The following ADGRL2 variants were observed in gnomAD, a reference collection of about 807,000 sequenced individuals.
ADGRL2 encodes the protein calcium-independent alpha-latrotoxin receptor 2.
A neutral mutation model predicts 157.4 loss-of-function variants in ADGRL2; 44 were observed. The observed-to-expected ratio is 0.28, with a 90% confidence interval of 0.22 to 0.36. ADGRL2 has a LOEUF of 0.36. ADGRL2 is among the 10% of genes least tolerant of loss of function. The pLI is 1.00. For synonymous variants in ADGRL2, 585 were observed against 624.7 expected (o/e 0.94, Z 0.95); for missense variants, 1,510 against 1,768.9 (o/e 0.85, Z 2.63).
chr1:81,635,353 C>T (rs931157961), intron 3 of ADGRL2, among the ~76,000 whole-genome samples: 1 of 152,204 alleles, frequency 6.6e-6, no homozygotes, highest in Non-Finnish European at 1.5e-5. Flanking sequence ...CTCTTCTCAG[C>T]CTCTAGCTTT....
chr1:81,820,045 C>T (rs964050108), intron 1 of ADGRL2, among the ~76,000 whole-genome samples: 5 of 152,080 alleles, frequency 3.3e-5, no homozygotes, highest in African/African-American at 7.2e-5. Context: ...ACAATCATTT[C>T]CTCAATAGCT....
At chr1:81,836,301 T>C (rs968670114) in intron 1 of ADGRL2, among the ~76,000 whole-genome samples, 1 of 152,112 alleles carries the variant, frequency 6.6e-6, no homozygotes, top group African/African-American at 2.4e-5. Flanking sequence ...GATGTTCCTT[T>C]AACAGAAAAG....
chr1:81,696,583 G>A (rs531097501), upstream of ADGRL2, among the ~76,000 whole-genome samples: 3 of 151,814 alleles, frequency 2.0e-5, no homozygotes, highest in African/African-American at 7.2e-5. Flanking sequence ...AAACCCCGTC[G>A]CTACTAAAAA....
chr1:81,700,091 C>T (rs1158434314), intron 1 of ADGRL2, among the ~76,000 whole-genome samples: 1 of 152,142 alleles, frequency 6.6e-6, no homozygotes, highest in Non-Finnish European at 1.5e-5. Flanking sequence ...AGGAAAATGT[C>T]AAAGCAGCTC....
intron 2 of ADGRL2, among the ~76,000 whole-genome samples, chr1:81,770,049 C>T (rs1219626398): frequency 6.7e-6 from 1 of 148,178 alleles, no homozygotes; most frequent in Admixed American, 6.8e-5. Context: ...GGCGGGGTTT[C>T]ACACCATGTT....
At chr1:81,661,744 C>T (rs9324178) in intron 3 of ADGRL2, among the ~76,000 whole-genome samples, 29,634 of 152,116 alleles carry the variant, frequency 0.19, 3,676 homozygotes, top group South Asian at 0.32. Flanking sequence ...AATGATAGCA[C>T]TTCCTTTCAC....
intron 2 of ADGRL2, among the ~76,000 whole-genome samples, chr1:81,518,233 T>C (rs987288092): frequency 6.6e-6 from 1 of 152,206 alleles, no homozygotes; most frequent in Non-Finnish European, 1.5e-5. Flanking sequence ...GATAAGCACC[T>C]CAGAAACAAA....
At chr1:81,320,667 G>T (rs1660441030) in intron 1 of ADGRL2, among the ~76,000 whole-genome samples, 1 of 152,176 alleles carries the variant, frequency 6.6e-6, no homozygotes, top group Non-Finnish European at 1.5e-5. Flanking sequence ...CTTCTTTTCT[G>T]AGCAGTGGGT....
At chr1:81,478,206 A>G (rs76832497) in intron 2 of ADGRL2, among the ~76,000 whole-genome samples, 6 of 152,306 alleles carry the variant, frequency 3.9e-5, no homozygotes, top group African/African-American at 4.8e-5. Context: ...ATCTCCAACT[A>G]AAACTACAGT....
intron 3 of ADGRL2, among the ~76,000 whole-genome samples, chr1:81,598,153 A>C (rs1438651430): frequency 6.6e-6 from 1 of 152,184 alleles, no homozygotes; most frequent in Non-Finnish European, 1.5e-5. Flanking sequence ...GTTCAGAGTA[A>C]GCAGCTTTCA....
intron 18 of ADGRL2, chr1:81,980,873 C>A: frequency 1.6e-6 from 1 of 639,804 alleles, no homozygotes; most frequent in Admixed American, 2.1e-5. Context: ...AAATTTATGG[C>A]ATGATTTGTA....
At chr1:81,918,245 T>A (rs2094903961) in intron 3 of ADGRL2, among the ~76,000 whole-genome samples, 1 of 152,170 alleles carries the variant, frequency 6.6e-6, no homozygotes, top group Non-Finnish European at 1.5e-5. Flanking sequence ...TTCCTGATCG[T>A]GACATAAATG....
chr1:81,711,789 C>T (rs576418178), intron 1 of ADGRL2, among the ~76,000 whole-genome samples: 1 of 152,258 alleles, frequency 6.6e-6, no homozygotes, highest in South Asian at 2.1e-4. Flanking sequence ...AAATAGATTT[C>T]ACTTTACAAA....
chr1:81,489,463 A>T (rs2078583722), intron 2 of ADGRL2, among the ~76,000 whole-genome samples: 1 of 152,130 alleles, frequency 6.6e-6, no homozygotes, highest in Non-Finnish European at 1.5e-5. Context: ...AGCCTAAGGG[A>T]CCTGTGGGAC....
intron 1 of ADGRL2, among the ~76,000 whole-genome samples, chr1:81,703,971 T>G (rs1008182325): frequency 6.6e-6 from 1 of 152,224 alleles, no homozygotes; most frequent in Non-Finnish European, 1.5e-5. Context: ...AAGAGCTTAG[T>G]CTTTAAGGAA....
At chr1:81,586,923 G>A (rs759811085) in intron 3 of ADGRL2, among the ~76,000 whole-genome samples, 55 of 151,998 alleles carry the variant, frequency 3.6e-4, no homozygotes, top group Non-Finnish European at 6.5e-4. Flanking sequence ...GTGCATAGAG[G>A]GAAAGTTATA....
At chr1:81,424,146 C>T (rs981933693) in intron 1 of ADGRL2, among the ~76,000 whole-genome samples, 10 of 152,180 alleles carry the variant, frequency 6.6e-5, no homozygotes, top group African/African-American at 1.7e-4. Flanking sequence ...GTCAGTGACA[C>T]ACCAACGTTT....
At chr1:81,560,821 G>A (rs1315586325) in intron 2 of ADGRL2, among the ~76,000 whole-genome samples, 1 of 151,968 alleles carries the variant, frequency 6.6e-6, no homozygotes, top group Admixed American at 6.6e-5. Context: ...TCCCTAAATG[G>A]TCTATCTGCA....
Position 81,408,653 on chromosome 1 carries a change from T to G in ADGRL2, c.-301-36383T>G, listed in dbSNP as rs568839600. Reference sequence around the variant, plus strand: ...CCCTTGTTCACTCGTGCATAAAATATAACTGCCCCCAAGGGTGTGCACGTT... The same window carrying G: ...CCCTTGTTCACTCGTGCATAAAATAGAACTGCCCCCAAGGGTGTGCACGTT... On this transcript the variant is annotated intron_variant, in intron 1 of 24. Transcript: ENST00000370721. 3.3e-5 allele frequency among the ~76,000 whole-genome samples: 5 copies of G among 152,264 alleles called. No individual in the cohort carries two copies. In the South Asian group the frequency reaches 1.0e-3, roughly 32 times the overall value.
Sources: allele counts gnomAD v4.1 joint callset (sites outside exome capture counted in the v4.1 genomes callset), GRCh38; gene constraint gnomAD v4.1.1; transcripts MANE v1.5; gene names NCBI Gene and HGNC (gene_info 2026-07-23, HGNC 2026-07-21).